The following YTHDF3 variants were observed in gnomAD, a reference collection of about 807,000 sequenced individuals.
YTHDF3 encodes YTH N6-methyladenosine RNA binding protein F3, also known as YTH domain-containing family protein 3.
A neutral mutation model predicts 52.5 loss-of-function variants in YTHDF3; 9 were observed. The observed-to-expected ratio is 0.17, with a 90% CI of 0.10 to 0.30. The LOEUF (loss-of-function observed/expected upper bound fraction) is 0.30. Ranked by LOEUF, YTHDF3 falls within the 10% of genes least tolerant of loss-of-function variation. YTHDF3 has a pLI of 1.00. For synonymous variants in YTHDF3, 274 were observed against 243.3 expected, an observed-to-expected ratio of 1.13 and a Z score of -1.18; for missense variants, 534 against 715.0, an observed-to-expected ratio of 0.75 and a Z score of 2.89.
At chr8:63,195,962 C>T (rs1809211907) in intron 4 of YTHDF3, among the ~76,000 whole-genome samples, 1 of 152,042 alleles carries the variant, frequency 6.6e-6, no homozygotes, top group Non-Finnish European at 1.5e-5. Context: ...CCACCATGCC[C>T]ATCTAATTTT....
intron 4 of YTHDF3, among the ~76,000 whole-genome samples, chr8:63,203,988 C>T (rs1809815984): frequency 6.6e-6 from 1 of 152,268 alleles, no homozygotes; most frequent in South Asian, 2.1e-4. Context: ...ATAAAATGTT[C>T]TGTTATTCCC....
intron 1 of YTHDF3, 161 bp downstream of exon 1, chr8:63,169,062 C>T (rs1807091269): frequency 2.8e-6 from 4 of 1,408,770 alleles, no homozygotes; most frequent in South Asian, 1.6e-5. Context: ...GGCGTGCGCC[C>T]TGGCCCCGTA....
intron 4 of YTHDF3, among the ~76,000 whole-genome samples, chr8:63,189,738 G>A (rs888243842): frequency 1.1e-4 from 17 of 152,170 alleles, no homozygotes; most frequent in Admixed American, 6.5e-4. Flanking sequence ...CCATCCCTTG[G>A]TATATTTGAT....
intron 4 of YTHDF3, among the ~76,000 whole-genome samples, chr8:63,196,312 A>G (rs1482523944): frequency 6.6e-6 from 1 of 151,984 alleles, no homozygotes; most frequent in East Asian, 1.9e-4. Flanking sequence ...CTGTAATCAC[A>G]GCACTTTCGG....
At chr8:63,188,701 A>ATATATTTT (rs1355614739) in intron 4 of YTHDF3, 21 of 61,448 alleles carry the variant, frequency 3.4e-4, no homozygotes, top group East Asian at 1.7e-3. Context: ...ATATATATAT[A>ATATATTTT]TTTTTTTTTT....
At chr8:63,172,973 A>C (rs527581610) in intron 2 of YTHDF3, among the ~76,000 whole-genome samples, 2 of 152,248 alleles carry the variant, frequency 1.3e-5, no homozygotes, top group African/African-American at 4.8e-5. Context: ...CCAAAACTTA[A>C]GGGCTAGTTT....
intron 1 of YTHDF3, 159 bp from the exon 2 acceptor site, chr8:63,169,228 G>T: frequency 7.6e-7 from 1 of 1,308,110 alleles, no homozygotes; most frequent in Non-Finnish European, 1.0e-6. Flanking sequence ...TTAAAGGCTG[G>T]GGGTGGTTGG....
intron 4 of YTHDF3, among the ~76,000 whole-genome samples, chr8:63,199,416 G>A (rs1363266656): frequency 2.0e-5 from 3 of 151,964 alleles, no homozygotes; most frequent in Non-Finnish European, 4.4e-5. Flanking sequence ...TATCTCTTTC[G>A]TTGAAATAAT....
Position 63,186,407 on chromosome 8 carries a change from T to C in YTHDF3, c.396T>C (p.Asp132=), listed in dbSNP as rs755517093. ...HGFNFFPGNA[D]FSTWGTSGSQ... is the part of the protein sequence containing the mutation. ...TTAACTTTTTTCCTGGTAATGCTGA[T>C]TTCTCTACATGGGGGACAAGTGGAT... The change falls in exon 4 of 5, where the codon GAT becomes GAC. Residue 132 remains aspartate (D), a synonymous_variant. Coordinates refer to ENST00000539294, the MANE Select transcript of YTHDF3 (RefSeq NM_152758.6). 1.9e-6 allele frequency: 3 copies of C among 1,614,072 alleles called. No homozygotes were observed. Among genetic ancestry groups the C allele is most frequent in the Non-Finnish European group, 1.7e-6 (2 of 1,179,904 alleles).
At chr8:63,169,335 T>G (rs1807119643) in intron 1 of YTHDF3, 52 bp from the exon 2 acceptor site, 2 of 1,569,110 alleles carry the variant, frequency 1.3e-6, no homozygotes, top group Non-Finnish European at 8.7e-7. Context: ...AACACACTTT[T>G]TCTTTTCTTC....
chr8:63,195,006 T>C (rs1342641861), intron 4 of YTHDF3, among the ~76,000 whole-genome samples: 1 of 152,222 alleles, frequency 6.6e-6, no homozygotes, highest in East Asian at 1.9e-4. Context: ...TTGCTAGATA[T>C]TTTTTATTGA....
rs201205275 is a variant in YTHDF3, at chr8:63,187,114, A to G, written c.1103A>G (p.Asn368Ser). Reference protein sequence around the residue: ...RNRGAGFNQNNGAGSENFGLG... With the variant: ...RNRGAGFNQNSGAGSENFGLG... ...AGGGGAGCAGGCTTCAACCAGAACA[A>G]TGGAGCGGGCAGTGAAAACTTTGGT... The change falls in exon 4 of 5, where the codon AAT (asparagine) becomes AGT (serine). Residue 368 changes from asparagine (N) to serine (S), a missense_variant. Coordinates refer to ENST00000539294, the MANE Select transcript of YTHDF3 (RefSeq NM_152758.6). 96 of 1,613,762 alleles carry G rather than the reference A, an allele frequency of 5.9e-5. No individual in the cohort carries two copies. The highest frequency in any genetic ancestry group is 1.6e-4 in the Middle Eastern group (1 of 6,084).
Position 63,187,198 on chromosome 8 carries a change from A to T in YTHDF3, c.1187A>T (p.Glu396Val). Reference sequence around the variant, plus strand: ...AGTGTAGAAGTGCATCCCGTGCTGGAAAAGCTAAAGGCCATAAACAACTAT... The same window carrying T: ...AGTGTAGAAGTGCATCCCGTGCTGGTAAAGCTAAAGGCCATAAACAACTAT... ...PSSVEVHPVL[E>V]KLKAINNYNP... The change falls in exon 4 of 5, where the codon GAA (glutamate) becomes GTA (valine). Residue 396 changes from glutamate to valine, a missense_variant. Transcript: ENST00000539294. 6.2e-7 allele frequency: 1 copy of T among 1,614,066 alleles called. No homozygotes were observed.
intron 4 of YTHDF3, among the ~76,000 whole-genome samples, chr8:63,197,540 T>A (rs1563409552): frequency 6.6e-6 from 1 of 152,172 alleles, no homozygotes; most frequent in Non-Finnish European, 1.5e-5. Flanking sequence ...GAACGGTACC[T>A]TAAGCATATT....
At chr8:63,184,916 C>G (rs1032074890) in intron 3 of YTHDF3, among the ~76,000 whole-genome samples, 2 of 152,096 alleles carry the variant, frequency 1.3e-5, no homozygotes, top group Non-Finnish European at 1.5e-5. Flanking sequence ...CCCAGGAGTT[C>G]AAGACCATCC....
chr8:63,188,753 G>A (rs893775740), intron 4 of YTHDF3: 9 of 113,904 alleles, frequency 7.9e-5, no homozygotes, highest in Admixed American at 3.9e-4. Context: ...GCTCTCTGTC[G>A]CCCAGGCTGG....
chr8:63,198,713 A>G (rs1033256130), intron 4 of YTHDF3, among the ~76,000 whole-genome samples: 10 of 152,238 alleles, frequency 6.6e-5, no homozygotes, highest in African/African-American at 1.9e-4. Context: ...AAAAATAGTT[A>G]TACTTATGAC....
At position 63,173,362 on chromosome 8, in the gene YTHDF3, C is replaced by A. The variant is rs189253668; in HGVS notation, c.50-1969C>A. 6.1e-3 allele frequency among the ~76,000 whole-genome samples: 930 copies of A among 151,308 alleles called. 14 individuals carry two copies. The highest frequency in any genetic ancestry group is 0.022 in the African/African-American group (898 of 41,042). On this transcript the variant is annotated intron_variant, in intron 2 of 4. Coordinates refer to ENST00000539294, the MANE Select transcript of YTHDF3 (RefSeq NM_152758.6). The stretch of plus-strand genomic sequence containing the variant: ...TGGCTCAAGTGATCCTCCTTAGACT[C>A]CTGAGTAACTAGGACTATAGGCACA...
chr8:63,203,532 G>A (rs1338572614), intron 4 of YTHDF3, among the ~76,000 whole-genome samples: 2 of 152,078 alleles, frequency 1.3e-5, no homozygotes, highest in Non-Finnish European at 2.9e-5. Context: ...GGGAATTTCT[G>A]TATATTCTTT....
Sources: allele counts gnomAD v4.1 joint callset (sites outside exome capture counted in the v4.1 genomes callset), GRCh38; gene constraint gnomAD v4.1.1; transcripts MANE v1.5; gene names NCBI Gene and HGNC (gene_info 2026-07-23, HGNC 2026-07-21).